ARRB1: variants seen among roughly 807,000 people sequenced by gnomAD.
ARRB1 encodes beta-arrestin-1.
ARRB1 carries 21 observed loss-of-function variants against 56.8 expected under a neutral mutation model. That is an observed-to-expected ratio of 0.37 (90% CI 0.26 to 0.53). ARRB1 has a LOEUF of 0.53. Among genes scored for constraint, ARRB1 ranks in the 20% least tolerant of loss-of-function variants. The probability of loss-of-function intolerance (pLI) is 0.88; values close to 1 mark genes in which losing one functional copy is unlikely to be tolerated. For synonymous variants in ARRB1, 210 were observed against 218.6 expected, an observed-to-expected ratio of 0.96 and a Z score of 0.35; for missense variants, 424 against 553.7, an observed-to-expected ratio of 0.77 and a Z score of 2.35.
At chr11:75,302,548 GAGA>G (rs1022530520) in intron 1 of ARRB1, among the ~76,000 whole-genome samples, 6 of 152,212 alleles carry the variant, frequency 3.9e-5, no homozygotes, top group Non-Finnish European at 8.8e-5. Context: ...GATGCAGGAA[GAGA>G]AGGTTGCTGG....
intron 1 of ARRB1, among the ~76,000 whole-genome samples, chr11:75,304,938 T>A (rs547755731): frequency 6.7e-6 from 1 of 149,976 alleles, no homozygotes; most frequent in Non-Finnish European, 1.5e-5. Flanking sequence ...AAAATAGAAA[T>A]CCTAATGTGA....
chr11:75,301,680 G>A (rs1044941657), intron 1 of ARRB1, among the ~76,000 whole-genome samples: 4 of 152,202 alleles, frequency 2.6e-5, no homozygotes, highest in Admixed American at 1.3e-4. Context: ...CAGTGTGAGA[G>A]CAGCCATCAG....
At chr11:75,337,400 A>G (rs540070542) in intron 1 of ARRB1, among the ~76,000 whole-genome samples, 11 of 152,326 alleles carry the variant, frequency 7.2e-5, no homozygotes, top group African/African-American at 2.6e-4. Context: ...AAAAGTTTTG[A>G]CTGTTTTCCT....
chr11:75,330,449 C>T lies in ARRB1; in HGVS notation c.20+21139G>A, dbSNP rs536131588. ...GGAAAGAGCCCAGCCCCTGGGCTGGCCCCTGGCTATATGTAAATGTTTATG... is the reference window on the plus strand; with the variant it reads ...GGAAAGAGCCCAGCCCCTGGGCTGGTCCCTGGCTATATGTAAATGTTTATG... On this transcript the variant is annotated intron_variant, in intron 1 of 15. Coordinates refer to ENST00000420843, the MANE Select transcript of ARRB1 (RefSeq NM_004041.5). Among the ~76,000 whole-genome samples, 7 of 152,258 alleles carry T rather than the reference C, an allele frequency of 4.6e-5. No homozygotes were observed. In the East Asian group the frequency reaches 1.3e-3, roughly 29 times the overall value.
At chr11:75,311,501 T>C (rs186562890) in intron 1 of ARRB1, among the ~76,000 whole-genome samples, 131 of 152,342 alleles carry the variant, frequency 8.6e-4, no homozygotes, top group African/African-American at 2.9e-3. Flanking sequence ...GATTGTCAAA[T>C]TGCAGAAGAG....
intron 1 of ARRB1, among the ~76,000 whole-genome samples, chr11:75,302,337 A>T (rs560413492): frequency 6.6e-6 from 1 of 152,212 alleles, no homozygotes; most frequent in Non-Finnish European, 1.5e-5. Context: ...GAAAATTCTC[A>T]GGTGGTGCAG....
intron 1 of ARRB1, 143 bp from the exon 2 acceptor site, chr11:75,290,182 C>T: frequency 2.1e-6 from 2 of 930,582 alleles, no homozygotes; most frequent in Non-Finnish European, 3.3e-6. Flanking sequence ...GAACAGTGCC[C>T]ATGTAATCCG....
At chr11:75,294,333 G>C (rs1264771280) in intron 1 of ARRB1, among the ~76,000 whole-genome samples, 2 of 152,056 alleles carry the variant, frequency 1.3e-5, no homozygotes, top group Non-Finnish European at 2.9e-5. Flanking sequence ...GAGGTGGGAG[G>C]ATCACTTGAG....
intron 10 of ARRB1, among the ~76,000 whole-genome samples, chr11:75,276,141 C>G (rs538837216): frequency 3.3e-5 from 5 of 152,112 alleles, no homozygotes; most frequent in Non-Finnish European, 7.4e-5. Flanking sequence ...TGGAATTATA[C>G]ATAAACAAAT....
intron 15 of ARRB1, 119 bp downstream of exon 15, chr11:75,267,533 A>T: frequency 9.6e-7 from 1 of 1,041,400 alleles, no homozygotes; most frequent in Admixed American, 2.0e-5. Flanking sequence ...GGTGGCTCTC[A>T]GCAGACGGGG....
chr11:75,351,198 C>T (rs1466109169), intron 1 of ARRB1, among the ~76,000 whole-genome samples: 1 of 152,188 alleles, frequency 6.6e-6, no homozygotes, highest in African/African-American at 2.4e-5. Context: ...TGTATGACGG[C>T]GTGCCACTGC....
At chr11:75,281,620 C>T in intron 6 of ARRB1, 1 of 356,530 alleles carries the variant, frequency 2.8e-6, no homozygotes. Context: ...CCTCAGTTTC[C>T]CCATCTGTGA....
At chr11:75,277,330 G>A (rs371534032) in intron 9 of ARRB1, 34 bp downstream of exon 9, 25 of 1,594,418 alleles carry the variant, frequency 1.6e-5, no homozygotes, top group African/African-American at 1.2e-4. Context: ...ATTGCCTCTC[G>A]CTGTCCCCTA....
intron 15 of ARRB1, 117 bp from the exon 16 acceptor site, chr11:75,266,391 C>T (rs1266192519): frequency 1.3e-6 from 1 of 794,498 alleles, no homozygotes; most frequent in South Asian, 1.6e-5. Flanking sequence ...GAGAACCACC[C>T]TCTCTGAGGT....
chr11:75,274,102 C>T lies in ARRB1; in HGVS notation c.886G>A (p.Glu296Lys). The stretch of plus-strand genomic sequence containing the variant: ...GTGCTAGAGGCCAAGTTCGTGTCTT[C>T]GTGCTTGAGCTTCCCGTCCAAGGCG... ...GLALDGKLKH[E>K]DTNLASSTLL... Residue 296 changes from glutamate (E) to lysine (K), a missense_variant, in exon 11 of 16, where the codon GAA (glutamate) becomes AAA (lysine). Around this residue, in one of 3 missense-constraint regions of ARRB1, gnomAD observed 2 missense variants for 18.5 expected, o/e 0.11. Coordinates refer to ENST00000420843, the MANE Select transcript of ARRB1 (RefSeq NM_004041.5). 6 of 1,614,176 alleles carry T rather than the reference C, an allele frequency of 3.7e-6. No individual in the cohort carries two copies. In the East Asian group the frequency reaches 6.7e-5, roughly 18 times the overall value.
intron 1 of ARRB1, among the ~76,000 whole-genome samples, chr11:75,350,316 C>G (rs377391770): frequency 6.6e-6 from 1 of 152,038 alleles, no homozygotes; most frequent in African/African-American, 2.4e-5. Flanking sequence ...CCCCACACTA[C>G]GCCTAGTATA....
chr11:75,290,778 T>C (rs920140327), intron 1 of ARRB1, among the ~76,000 whole-genome samples: 1 of 152,202 alleles, frequency 6.6e-6, no homozygotes, highest in African/African-American at 2.4e-5. Context: ...TGTTTTGTTT[T>C]GTTTTTTGTT....
chr11:75,273,335 A>G (rs1001458033), intron 11 of ARRB1, among the ~76,000 whole-genome samples: 7 of 109,186 alleles, frequency 6.4e-5, no homozygotes, highest in Admixed American at 2.0e-4. Flanking sequence ...GGGAGTTCAC[A>G]GAGGGCGAGG....
chr11:75,311,536 T>TGGAATGCACATCCTTACATAGC (rs1947158556), intron 1 of ARRB1, among the ~76,000 whole-genome samples: 1 of 152,208 alleles, frequency 6.6e-6, no homozygotes, highest in Non-Finnish European at 1.5e-5. Flanking sequence ...AGGCTATGCA[T>TGGAATGCACATCCTTACATAGC]GGAATGCACA....
Sources: gnomAD v4.1 joint callset for allele counts (sites outside exome capture counted in the v4.1 genomes callset) on GRCh38, gnomAD v4.1.1 for gene constraint, gnomAD v4.1.1 regional missense constraint, MANE v1.5 for transcripts, NCBI Gene and HGNC (gene_info 2026-07-23, HGNC 2026-07-21) for gene names.